Variants in STT3B observed in about 807,000 individuals in gnomAD.
The protein encoded by STT3B is STT3 oligosaccharyltransferase complex catalytic subunit B, also known as dolichyl-diphosphooligosaccharide--protein glycosyltransferase subunit STT3B.
Under a neutral mutation model 96.8 loss-of-function variants are expected in STT3B, and 29 were observed. The ratio of observed to expected loss-of-function variants is 0.30; its 90% confidence interval spans 0.22 to 0.41. The LOEUF is 0.41. STT3B is among the 10% of genes least tolerant of loss of function. The probability of loss-of-function intolerance (pLI) is 1.00; values close to 1 mark genes in which losing one functional copy is unlikely to be tolerated. For synonymous variants in STT3B, 367 were observed against 360.0 expected (o/e 1.02, Z -0.22); for missense variants, 640 against 1,022.3 (o/e 0.63, Z 5.10).
intron 13 of STT3B, among the ~76,000 whole-genome samples, chr3:31,628,553 A>G (rs1321619890): frequency 6.6e-6 from 1 of 152,148 alleles, no homozygotes; most frequent in East Asian, 1.9e-4. Context: ...TGGAAAAGGA[A>G]TTTCTGACTC....
intron 1 of STT3B, among the ~76,000 whole-genome samples, chr3:31,535,754 T>TA (rs1697076802): frequency 1.3e-5 from 2 of 152,180 alleles, no homozygotes. Context: ...GCTTCATTTT[T>TA]TATATATATG....
chr3:31,625,999 A>T lies in STT3B; in HGVS notation c.1945A>T (p.Met649Leu). The T allele has an allele frequency of 6.2e-7, 1 of 1,613,516 alleles. No individual in the cohort carries two copies. Reference sequence around the variant, plus strand: ...TAATGAAACAGCAGCCTATAAAATCATGAGGACTCTAGATGTAGATTATGT... The same window carrying T: ...TAATGAAACAGCAGCCTATAAAATCTTGAGGACTCTAGATGTAGATTATGT... ...SSNETAAYKI[M>L]RTLDVDYVLV... The change falls in exon 13 of 16, where the codon ATG becomes TTG. Residue 649 changes from methionine (M) to leucine (L), a missense_variant. Met to Leu is a conservative substitution (Grantham distance 15, BLOSUM62 2). Around this residue, in one of 8 missense-constraint regions of STT3B, gnomAD observed 149 missense variants for 250.2 expected, o/e 0.60. Coordinates refer to ENST00000295770, the MANE Select transcript of STT3B (RefSeq NM_178862.3).
chr3:31,615,289 T>G, intron 6 of STT3B, 86 bp downstream of exon 6: 1 of 1,042,070 alleles, frequency 9.6e-7, no homozygotes. Flanking sequence ...TTTTTGATCA[T>G]TTTGGTTGTT....
chr3:31,572,112 T>A (rs1451295033), intron 1 of STT3B, among the ~76,000 whole-genome samples: 22 of 132,686 alleles, frequency 1.7e-4, no homozygotes, highest in African/African-American at 3.0e-4. Context: ...ATATATATAT[T>A]ATATATCTCA....
intron 5 of STT3B, among the ~76,000 whole-genome samples, chr3:31,604,929 G>A (rs559307216): frequency 6.6e-6 from 1 of 152,264 alleles, no homozygotes; most frequent in South Asian, 2.1e-4. Context: ...GTCCTTTGAT[G>A]TCCTTAGGCC....
chr3:31,618,395 G>A (rs950370267), intron 8 of STT3B, among the ~76,000 whole-genome samples: 2 of 150,652 alleles, frequency 1.3e-5, no homozygotes, highest in Non-Finnish European at 3.0e-5. Context: ...AATACCATCT[G>A]ATCTAAGTTT....
At chr3:31,626,891 TTGCTGG>T (rs1192754193) in intron 13 of STT3B, among the ~76,000 whole-genome samples, 2 of 152,164 alleles carry the variant, frequency 1.3e-5, no homozygotes, top group Admixed American at 1.3e-4. Flanking sequence ...TTGCCTTCCT[TTGCTGG>T]TGTCTTGTTC....
At chr3:31,541,871 C>T (rs191713603) in intron 1 of STT3B, among the ~76,000 whole-genome samples, 5 of 152,138 alleles carry the variant, frequency 3.3e-5, no homozygotes, top group Non-Finnish European at 5.9e-5. Context: ...CCACCACGCC[C>T]GGCATTTCAG....
chr3:31,554,486 GC>G (rs1033448410), intron 1 of STT3B, among the ~76,000 whole-genome samples: 8 of 152,024 alleles, frequency 5.3e-5, no homozygotes, highest in African/African-American at 1.7e-4. Context: ...TGATTTAATG[GC>G]CGTGTCAAAA....
intron 1 of STT3B, among the ~76,000 whole-genome samples, chr3:31,533,947 A>G (rs1697018303): frequency 6.6e-6 from 1 of 152,194 alleles, no homozygotes; most frequent in Admixed American, 6.5e-5. Flanking sequence ...AGGGAAGGAA[A>G]TAATACCCCT....
At chr3:31,567,942 G>C (rs773309433) in intron 1 of STT3B, among the ~76,000 whole-genome samples, 101 of 151,298 alleles carry the variant, frequency 6.7e-4, no homozygotes, top group Non-Finnish European at 1.1e-3. Flanking sequence ...TTAAATACTA[G>C]ATCTTATTCA....
At chr3:31,585,685 A>G (rs1405465706) in intron 3 of STT3B, among the ~76,000 whole-genome samples, 4 of 151,896 alleles carry the variant, frequency 2.6e-5, no homozygotes, top group Non-Finnish European at 4.4e-5. Context: ...TTCTCTGTCT[A>G]TATAGCTTTG....
intron 1 of STT3B, among the ~76,000 whole-genome samples, chr3:31,548,860 A>G (rs915857878): frequency 6.6e-6 from 1 of 152,176 alleles, no homozygotes; most frequent in Non-Finnish European, 1.5e-5. Flanking sequence ...CAGAAATTAC[A>G]CTTCTAAGCA....
At chr3:31,612,014 A>G (rs966987034) in intron 5 of STT3B, among the ~76,000 whole-genome samples, 3 of 152,210 alleles carry the variant, frequency 2.0e-5, no homozygotes, top group African/African-American at 7.2e-5. Flanking sequence ...GCAATCTTCA[A>G]CTTTATTTAA....
At position 31,636,111 on chromosome 3, in the gene STT3B, C is replaced by T. The variant is rs564866729; in HGVS notation, c.*47C>T. The stretch of plus-strand genomic sequence containing the variant: ...CTTGAAGCAGTTGTCCTTGTGAGAA[C>T]CGGTCTTTGCCTTTAGCTCATGTCG... On this transcript the variant is annotated 3_prime_UTR_variant, in exon 16 of 16. Coordinates refer to ENST00000295770, the MANE Select transcript of STT3B (RefSeq NM_178862.3). 1 of 1,411,738 alleles carries T rather than the reference C, an allele frequency of 7.1e-7. No homozygotes were observed. Among genetic ancestry groups the T allele is most frequent in the East Asian group, 2.4e-5 (1 of 41,654 alleles). 87.5% of individuals were successfully genotyped at this position (1,411,738 alleles called of 1,614,324 possible).
chr3:31,623,906 C>G (rs370394170), intron 11 of STT3B, 45 bp downstream of exon 11: 29 of 1,419,080 alleles, frequency 2.0e-5, no homozygotes, highest in Non-Finnish European at 2.5e-5. Context: ...ACTTACACTT[C>G]TTTTTCGTTG....
intron 5 of STT3B, among the ~76,000 whole-genome samples, chr3:31,614,322 T>G (rs1346956562): frequency 6.6e-6 from 1 of 151,990 alleles, no homozygotes. Context: ...ATTTTTAGTT[T>G]CAGTGACTTC....
chr3:31,543,895 AAG>A (rs1270371116), intron 1 of STT3B, among the ~76,000 whole-genome samples: 1 of 152,228 alleles, frequency 6.6e-6, no homozygotes, highest in Admixed American at 6.5e-5. Flanking sequence ...AACATTGAAT[AAG>A]AGAAGACAGA....
chr3:31,618,466 T>A (rs1025027610), intron 8 of STT3B, among the ~76,000 whole-genome samples: 2 of 151,864 alleles, frequency 1.3e-5, no homozygotes, highest in Non-Finnish European at 2.9e-5. Flanking sequence ...TTTTTTTTTT[T>A]AAAGTGCTGT....
Sources: allele counts gnomAD v4.1 joint callset (sites outside exome capture counted in the v4.1 genomes callset), GRCh38; gene constraint gnomAD v4.1.1; regional missense constraint gnomAD v4.1.1; transcripts MANE v1.5; gene names NCBI Gene and HGNC (gene_info 2026-07-23, HGNC 2026-07-21).